The following BANP variants were observed in gnomAD, a reference collection of about 807,000 sequenced individuals.
The protein encoded by BANP is BTG3 associated nuclear protein.
Under a neutral mutation model 68.1 loss-of-function variants are expected in BANP, and 11 were observed. The observed-to-expected ratio is 0.16, with a 90% CI of 0.10 to 0.27. The LOEUF is 0.27. Among genes scored for constraint, BANP ranks in the 10% least tolerant of loss-of-function variants. The pLI, the probability that BANP is intolerant of heterozygous loss-of-function variation, is 1.00. For missense variants in BANP, 504 were observed against 722.7 expected (o/e 0.70, Z 3.47); for synonymous variants, 329 against 303.2 (o/e 1.09, Z -0.88).
intron 12 of BANP, among the ~76,000 whole-genome samples, chr16:88,067,725 G>A (rs1207424235): frequency 2.6e-5 from 4 of 152,006 alleles, no homozygotes; most frequent in Admixed American, 6.6e-5. Context: ...CTGGACGGCC[G>A]GCTGCCCCAG....
intron 8 of BANP, among the ~76,000 whole-genome samples, chr16:88,030,672 G>C (rs1281169742): frequency 1.3e-5 from 2 of 152,238 alleles, no homozygotes; most frequent in Non-Finnish European, 2.9e-5. Flanking sequence ...TTGCACAGGA[G>C]TAGACGGTGG....
intron 6 of BANP, among the ~76,000 whole-genome samples, chr16:88,015,046 C>T (rs12445349): frequency 0.32 from 46,530 of 145,664 alleles, 7,754 homozygotes; most frequent in South Asian, 0.6. Context: ...GCCCTCTGGC[C>T]GTGCCCCCTC....
intron 1 of BANP, chr16:87,952,533 C>G (rs2057162319): frequency 6.6e-6 from 1 of 152,212 alleles, no homozygotes; most frequent in Non-Finnish European, 1.5e-5. Flanking sequence ...GTAGGGTTCA[C>G]TTTTAGCTGG....
At chr16:87,968,140 A>G (rs2060426971) in intron 1 of BANP, among the ~76,000 whole-genome samples, 1 of 151,944 alleles carries the variant, frequency 6.6e-6, no homozygotes, top group African/African-American at 2.4e-5. Flanking sequence ...AAATGCACCA[A>G]TGCCAAGGTT....
intron 8 of BANP, among the ~76,000 whole-genome samples, chr16:88,030,271 G>T (rs1222990305): frequency 6.6e-6 from 1 of 152,226 alleles, no homozygotes; most frequent in Admixed American, 6.5e-5. Context: ...AAGGGACCCT[G>T]TCTGGAATTA....
intron 12 of BANP, among the ~76,000 whole-genome samples, chr16:88,068,963 C>T (rs149296386): frequency 6.6e-6 from 1 of 152,062 alleles, no homozygotes; most frequent in Non-Finnish European, 1.5e-5. Context: ...TGCCCCTGTC[C>T]GTGCACCCAG....
chr16:88,076,867 A>C lies in BANP; in HGVS notation c.*206A>C. The C allele has an allele frequency of 1.8e-6, 1 of 564,210 alleles. No homozygotes were observed. Among genetic ancestry groups the C allele is most frequent in the Non-Finnish European group, 3.1e-6 (1 of 320,286 alleles). The allele number at this position is 564,210 out of a possible 1,614,324, so 35.0% of individuals were successfully genotyped here. ...CCCAGCCGGAGACCCCTTTCGTTTG[A>C]GTCCTGCTGTTGGTGTCGGAGCACG... On this transcript the variant is annotated 3_prime_UTR_variant, in exon 14 of 14. Coordinates refer to ENST00000682872, the MANE Select transcript of BANP (RefSeq NM_001386991.1).
At chr16:87,997,382 C>T (rs1458648299) in intron 4 of BANP, among the ~76,000 whole-genome samples, 1 of 152,278 alleles carries the variant, frequency 6.6e-6, no homozygotes, top group African/African-American at 2.4e-5. Flanking sequence ...TGACTAAAAG[C>T]ATGAGAAATA....
chr16:88,050,249 C>T (rs538344824), intron 11 of BANP, among the ~76,000 whole-genome samples: 29 of 152,200 alleles, frequency 1.9e-4, no homozygotes, highest in South Asian at 1.2e-3. Context: ...CTCTGCCTCC[C>T]GGGCTCAGGC....
Position 87,957,855 on chromosome 16 carries a change from G to A in BANP, c.-69+6340G>A, listed in dbSNP as rs1436158805. Among the ~76,000 whole-genome samples the A allele has an allele frequency of 3.9e-5, 6 of 152,212 alleles. No homozygotes were observed. The East Asian group carries it at 7.7e-4, about 20-fold the overall frequency. The stretch of plus-strand genomic sequence containing the variant: ...ATGGCATGCTGCAAGCTCTGTGGGC[G>A]CTGGTGGCCAGGATGCGGACAACCC... On this transcript the variant is annotated intron_variant, in intron 1 of 13. Transcript: ENST00000682872. This position sits in a 1 kb window ranked among gnomAD's most constrained non-coding sequence, Gnocchi z 4.3.
intron 8 of BANP, among the ~76,000 whole-genome samples, chr16:88,028,019 T>C (rs531450621): frequency 3.2e-4 from 48 of 152,356 alleles, no homozygotes; most frequent in Admixed American, 1.8e-3. Context: ...TTCTGAATTA[T>C]GCTTTATTTT....
chr16:88,051,392 GGC>G (rs1423762089), intron 11 of BANP, among the ~76,000 whole-genome samples: 2 of 151,842 alleles, frequency 1.3e-5, no homozygotes, highest in African/African-American at 4.8e-5. Flanking sequence ...GCTCCTTAAG[GGC>G]AGGACCCGTG....
chr16:87,990,008 CTG>C (rs2065526975), intron 4 of BANP, among the ~76,000 whole-genome samples: 1 of 152,250 alleles, frequency 6.6e-6, no homozygotes, highest in Non-Finnish European at 1.5e-5. Context: ...TGACAGGGCT[CTG>C]TGTGCCCAGC....
intron 11 of BANP, among the ~76,000 whole-genome samples, chr16:88,040,059 G>C (rs981944032): frequency 5.9e-5 from 9 of 152,102 alleles, no homozygotes; most frequent in African/African-American, 1.9e-4. Flanking sequence ...ACATTTCTGG[G>C]ACCTCAAATC....
chr16:88,070,043 C>A (rs1429602373), intron 12 of BANP, among the ~76,000 whole-genome samples: 2 of 152,178 alleles, frequency 1.3e-5, no homozygotes, highest in African/African-American at 4.8e-5. Context: ...AGATCCACTT[C>A]CGCTTCATGA....
intron 6 of BANP, among the ~76,000 whole-genome samples, chr16:88,013,735 C>G (rs928068470): frequency 1.3e-5 from 2 of 152,218 alleles, no homozygotes; most frequent in African/African-American, 4.8e-5. Flanking sequence ...AACCTCCTTG[C>G]TAAGCAGGGC....
intron 4 of BANP, among the ~76,000 whole-genome samples, chr16:87,994,190 G>A (rs916808172): frequency 1.8e-4 from 28 of 152,214 alleles, no homozygotes; most frequent in African/African-American, 5.8e-4. Flanking sequence ...TAGGAGCCCC[G>A]CATCCTGTGC....
At chr16:88,027,686 C>T (rs765783729) in intron 8 of BANP, 36 bp downstream of exon 8, 16 of 1,609,630 alleles carry the variant, frequency 9.9e-6, no homozygotes, top group Admixed American at 3.4e-5. Flanking sequence ...CGCCCTCCCC[C>T]GCTCGGGGCA....
intron 9 of BANP, among the ~76,000 whole-genome samples, chr16:88,034,311 A>G (rs2078839100): frequency 6.6e-6 from 1 of 152,228 alleles, no homozygotes; most frequent in African/African-American, 2.4e-5. Context: ...TCCAGAGTAG[A>G]TAACTTTGTC....
Sources: allele counts gnomAD v4.1 joint callset (sites outside exome capture counted in the v4.1 genomes callset), GRCh38; gene constraint gnomAD v4.1.1; non-coding constraint Gnocchi (gnomAD v3.1); transcripts MANE v1.5; gene names NCBI Gene and HGNC (gene_info 2026-07-23, HGNC 2026-07-21).